TTLL12: variants seen among roughly 807,000 people sequenced by gnomAD.
TTLL12 encodes the protein tubulin--tyrosine ligase-like protein 12.
Under a neutral mutation model 79.6 loss-of-function variants are expected in TTLL12, and 77 were observed. The observed-to-expected ratio is 0.97, with a 90% CI of 0.81 to 1.17. The LOEUF (loss-of-function observed/expected upper bound fraction) is 1.17, where lower values mean the gene tolerates loss of function less well. Ranked by LOEUF, TTLL12 falls within the 50% of genes most tolerant of loss-of-function variation. TTLL12 has a pLI of 0.00. For missense variants in TTLL12, 969 were observed against 895.9 expected (o/e 1.08, Z -1.04); for synonymous variants, 437 against 376.1 (o/e 1.16, Z -1.87).
intron 1 of TTLL12, among the ~76,000 whole-genome samples, chr22:43,185,253 A>C (rs1263752235): frequency 0.08 from 83 of 1,042 alleles, 3 homozygotes; most frequent in Non-Finnish European, 0.12. Context: ...AAAATTATAT[A>C]TATATATATA....
intron 1 of TTLL12, chr22:43,186,093 G>A: frequency 9.5e-6 from 8 of 843,906 alleles, no homozygotes; most frequent in Non-Finnish European, 1.1e-5. Context: ...CCTGTTCTTG[G>A]CTCTGGGGTT....
At position 43,186,921 on chromosome 22, in the gene TTLL12, C is replaced by A. The variant is rs1434384212; in HGVS notation, c.149G>T (p.Gly50Val). ...GTGCTCCAGCTTGTGCAGGAGGCGG[C>A]CCCAGTAACGTTCGGGGACCCCCGA... is the stretch of plus-strand genomic sequence containing the variant. The part of the protein sequence containing the change: ...RASGVPERYW[G>V]RLLHKLEHEV... Residue 50 changes from glycine to valine, a missense_variant, in exon 1 of 14, where the codon GGC becomes GTC. Coordinates refer to ENST00000216129, the MANE Select transcript of TTLL12 (RefSeq NM_015140.4). 1 of 1,361,880 alleles carries A rather than the reference C, an allele frequency of 7.3e-7. No individual in the cohort carries two copies. The highest frequency in any genetic ancestry group is 9.5e-7 in the Non-Finnish European group (1 of 1,054,590). The allele number at this position is 1,361,880 out of a possible 1,614,324, so 84.4% of individuals were successfully genotyped here.
At position 43,187,007 on chromosome 22, in the gene TTLL12, C is replaced by T. The variant is rs1437502731; in HGVS notation, c.63G>A (p.Pro21=). ...PAERSSPGQT[P]EEGAQALAEF... ...CGGCCAAGGCCTGCGCGCCCTCCTCCGGCGTCTGGCCCGGGCTGCTACGCT... is the reference window on the plus strand; with the variant it reads ...CGGCCAAGGCCTGCGCGCCCTCCTCTGGCGTCTGGCCCGGGCTGCTACGCT... The change falls in exon 1 of 14, where the codon CCG becomes CCA. Residue 21 remains proline, a synonymous_variant. Coordinates refer to ENST00000216129, the MANE Select transcript of TTLL12 (RefSeq NM_015140.4). 7.8e-7 allele frequency: 1 copy of T among 1,278,058 alleles called. No homozygotes were observed. The highest frequency in any genetic ancestry group is 9.9e-7 in the Non-Finnish European group (1 of 1,008,334). 79.2% of individuals were successfully genotyped at this position (1,278,058 alleles called of 1,614,324 possible).
At chr22:43,171,923 CAT>C in intron 10 of TTLL12, 23 bp from the exon 11 acceptor site, 2 of 1,610,074 alleles carry the variant, frequency 1.2e-6, no homozygotes, top group Non-Finnish European at 1.7e-6. Flanking sequence ...TGTGCAGACA[CAT>C]ATGGGTTCTT....
At chr22:43,174,473 G>A (rs1931852062) in intron 7 of TTLL12, 26 bp downstream of exon 7, 6 of 1,585,164 alleles carry the variant, frequency 3.8e-6, no homozygotes, top group Non-Finnish European at 5.2e-6. Context: ...GACTGGGAGG[G>A]CCCCTGCGGC....
rs1048189051 is a variant in TTLL12 at position 43,171,959 on chromosome 22, A to T, written c.1494-59T>A. ...TTGAGCGGCCTTGTCCCTGCGAGGG[A>T]GGTGCCACCCACTCAGCCTTCCCAA... On this transcript the variant is annotated intron_variant, in intron 10 of 13. Coordinates refer to ENST00000216129, the MANE Select transcript of TTLL12 (RefSeq NM_015140.4). The T allele has an allele frequency of 2.5e-5, 36 of 1,460,218 alleles. No individual in the cohort carries two copies. In the South Asian group the frequency reaches 4.2e-4, roughly 17 times the overall value. The allele number at this position is 1,460,218 out of a possible 1,614,324, so 90.5% of individuals were successfully genotyped here.
chr22:43,173,841 G>C lies in TTLL12; in HGVS notation c.1230-15C>G, dbSNP rs1417475831. The C allele has an allele frequency of 1.3e-6, 2 of 1,597,720 alleles. No homozygotes were observed. Among genetic ancestry groups the C allele is most frequent in the Non-Finnish European group, 1.7e-6 (2 of 1,178,176 alleles). On this transcript the variant is annotated splice_polypyrimidine_tract_variant and intron_variant, in intron 8 of 13. Coordinates refer to ENST00000216129, the MANE Select transcript of TTLL12 (RefSeq NM_015140.4). ...TGTCCTCGCCCCTGGGGAGCAGAAG[G>C]GCTGTCTGGGGGGCGCCTGGGGCCT...
intron 11 of TTLL12, among the ~76,000 whole-genome samples, chr22:43,171,199 G>A (rs1459173668): frequency 6.6e-6 from 1 of 152,210 alleles, no homozygotes; most frequent in Non-Finnish European, 1.5e-5. Context: ...CCCAGAGCTG[G>A]CCTCCTGCTT....
chr22:43,177,515 G>A lies in TTLL12; in HGVS notation c.841-1119C>T, dbSNP rs145882436. 5.9e-5 allele frequency among the ~76,000 whole-genome samples: 9 copies of A among 152,298 alleles called. No homozygotes were observed. In the East Asian group the frequency reaches 1.5e-3, roughly 26 times the overall value. ...AGCAGGAAAAAGGTGGAAGGGACAG[G>A]GTTGCTTCTGCAACAAGGCCATGAA... On this transcript the variant is annotated intron_variant, in intron 5 of 13. Transcript: ENST00000216129.
intron 11 of TTLL12, among the ~76,000 whole-genome samples, chr22:43,170,531 C>T (rs558806712): frequency 6.6e-6 from 1 of 152,246 alleles, no homozygotes; most frequent in East Asian, 1.9e-4. Flanking sequence ...GCAACAAGCC[C>T]GAACCTCAAA....
rs764921093 is a variant in TTLL12 at position 43,174,356 on chromosome 22, CA to C, written c.1081del (p.Cys361AlafsTer5). On this transcript the variant is annotated frameshift_variant, in exon 8 of 14. Coordinates refer to ENST00000216129, the MANE Select transcript of TTLL12 (RefSeq NM_015140.4). LOFTEE classifies it high-confidence loss of function. ...RPGVLLNQFP[C>X]ENLLTVKDCL... The stretch of plus-strand genomic sequence containing the variant: ...GTCCTTGACAGTCAGCAGGTTCTCG[CA>C]GGGGAACTGGTTCAGCAGCACGCCT... 7 of 1,592,122 alleles carry C rather than the reference CA, an allele frequency of 4.4e-6. No individual in the cohort carries two copies. The South Asian group carries it at 7.8e-5, about 18-fold the overall frequency.
intron 6 of TTLL12, among the ~76,000 whole-genome samples, chr22:43,176,016 T>C (rs1236322587): frequency 2.7e-5 from 4 of 148,200 alleles, no homozygotes; most frequent in Middle Eastern, 3.5e-3. Context: ...ACCTGGGAGG[T>C]GGAGGTTGCA....
chr22:43,181,479 T>C (rs889167700), intron 2 of TTLL12, among the ~76,000 whole-genome samples: 6 of 152,212 alleles, frequency 3.9e-5, no homozygotes, highest in African/African-American at 1.4e-4. Flanking sequence ...CAGCCAGGTC[T>C]TCTGGAAGCA....
intron 5 of TTLL12, among the ~76,000 whole-genome samples, chr22:43,176,640 G>C (rs1931921292): frequency 6.9e-6 from 1 of 145,292 alleles, no homozygotes; most frequent in Admixed American, 7.2e-5. Context: ...TGAGGCAGGA[G>C]AATCGCTTGA....
rs772941770 is a variant in TTLL12, at chr22:43,176,312, C to T, written c.917+8G>A. Reference sequence around the variant, plus strand: ...TCCCAGCCCAAGCAGTGGGGGGGGGCTACGCACTTGAAGATGTGGCCGTGG... The same window carrying T: ...TCCCAGCCCAAGCAGTGGGGGGGGGTTACGCACTTGAAGATGTGGCCGTGG... On this transcript the variant is annotated splice_region_variant and intron_variant, in intron 6 of 13. Transcript: ENST00000216129. The T allele has an allele frequency of 9.0e-6, 14 of 1,563,112 alleles. No individual in the cohort carries two copies. The highest frequency in any genetic ancestry group is 1.0e-5 in the Non-Finnish European group (12 of 1,146,798).
rs1555982120 is a variant in TTLL12, at chr22:43,186,195, C to CCCG, written c.177+697_177+698insCGG. Among the ~76,000 whole-genome samples, 8 of 147,948 alleles carry CCCG rather than the reference C, an allele frequency of 5.4e-5. 1 individual carries two copies. Among genetic ancestry groups the CCCG allele is most frequent in the Non-Finnish European group, 7.6e-5 (5 of 65,674 alleles). ...GGTCCCAGCTAAAGAAAACACCCCC[C>CCCG]CCCCCGCCAGCCCGGGAAGGTGCTG... On this transcript the variant is annotated intron_variant, in intron 1 of 13. Coordinates refer to ENST00000216129, the MANE Select transcript of TTLL12 (RefSeq NM_015140.4).
chr22:43,178,652 G>A (rs942993099), intron 5 of TTLL12, among the ~76,000 whole-genome samples: 1 of 152,078 alleles, frequency 6.6e-6, no homozygotes, highest in African/African-American at 2.4e-5. Context: ...GGGTCAACTC[G>A]TCTAACCCTT....
At position 43,174,388 on chromosome 22, in the gene TTLL12, C is replaced by G; in HGVS notation, c.1050G>C (p.Glu350Asp). The G allele has an allele frequency of 1.3e-6, 2 of 1,564,398 alleles. No individual in the cohort carries two copies. The highest frequency in any genetic ancestry group is 3.6e-5 in the Admixed American group (2 of 55,930). The change falls in exon 8 of 14, where the codon GAG becomes GAC. Residue 350 changes from glutamate (E) to aspartate (D), a missense_variant. By Grantham distance (45) the Glu-to-Asp change is conservative. Coordinates refer to ENST00000216129, the MANE Select transcript of TTLL12 (RefSeq NM_015140.4). ...ACTGGTTCAGCAGCACGCCTGGCCT[C>G]TCCTGGCTGAGTTTCCTGCAGGGCG... Reference protein sequence around the residue: ...HFKDYRKLSQERPGVLLNQFP... With the variant: ...HFKDYRKLSQDRPGVLLNQFP...
At chr22:43,174,750 T>C in intron 6 of TTLL12, 135 bp from the exon 7 acceptor site, 2 of 666,870 alleles carry the variant, frequency 3.0e-6, no homozygotes, top group Non-Finnish European at 5.0e-6. Flanking sequence ...GTTCGAGTCA[T>C]GATGCTGGAC....
Sources: gnomAD v4.1 joint callset for allele counts (sites outside exome capture counted in the v4.1 genomes callset) on GRCh38, gnomAD v4.1.1 for gene constraint, MANE v1.5 for transcripts, NCBI Gene and HGNC (gene_info 2026-07-23, HGNC 2026-07-21) for gene names.